Variants in PRKCB observed in about 807,000 individuals in gnomAD.
The protein encoded by PRKCB is protein kinase C beta.
A neutral mutation model predicts 81.5 loss-of-function variants in PRKCB; 13 were observed. That is an observed-to-expected ratio of 0.16 (90% CI 0.10 to 0.25). The LOEUF (loss-of-function observed/expected upper bound fraction) is 0.25, where lower values mean the gene tolerates loss of function less well. Among genes scored for constraint, PRKCB ranks in the 10% least tolerant of loss-of-function variants. The pLI is 1.00. For missense variants in PRKCB, 509 were observed against 875.7 expected (o/e 0.58, Z 5.29); for synonymous variants, 335 against 321.4 (o/e 1.04, Z -0.45).
chr16:24,062,664 G>A (rs1042786914), intron 5 of PRKCB, among the ~76,000 whole-genome samples: 1 of 152,102 alleles, frequency 6.6e-6, no homozygotes, highest in Non-Finnish European at 1.5e-5. Context: ...TCCACTGGGG[G>A]TGAGTTCACC....
chr16:24,129,089 CTGCCATAATAAACA>C (rs1966849268), intron 9 of PRKCB, among the ~76,000 whole-genome samples: 1 of 152,180 alleles, frequency 6.6e-6, no homozygotes, highest in South Asian at 2.1e-4. Context: ...CCCTAATGTG[CTGCCATAATAAACA>C]TGCATTAAAT....
At chr16:24,073,196 C>T (rs9935942) in intron 5 of PRKCB, among the ~76,000 whole-genome samples, 3,048 of 152,238 alleles carry the variant, frequency 0.02, 75 homozygotes, top group African/African-American at 0.056. Context: ...ATGGATAAAC[C>T]GCTTGCTAAA....
rs1183703241 is a variant in PRKCB, at chr16:24,220,200, G to A, written c.*5384G>A. 1.3e-6 allele frequency: 2 copies of A among 1,483,338 alleles called. No homozygotes were observed. The highest frequency in any genetic ancestry group is 1.8e-6 in the Non-Finnish European group (2 of 1,086,192). The allele number at this position is 1,483,338 out of a possible 1,614,324, so 91.9% of individuals were successfully genotyped here. A position where few individuals can be genotyped will look rare whatever the true frequency, so the allele number is the denominator to read the frequency against. On this transcript the variant is annotated 3_prime_UTR_variant, in exon 17 of 17. Transcript: ENST00000643927. ...ATTCTAGTCTTCCAGGATTCACGGTGCACATGCTGGCATTCAACATGTGGA... is the reference window on the plus strand; with the variant it reads ...ATTCTAGTCTTCCAGGATTCACGGTACACATGCTGGCATTCAACATGTGGA...
At chr16:23,868,983 G>A (rs1220429178) in intron 2 of PRKCB, 6 of 372,254 alleles carry the variant, frequency 1.6e-5, no homozygotes, top group East Asian at 1.7e-4. Flanking sequence ...CACAGATGCC[G>A]AAATAGAAGT....
intron 16 of PRKCB, among the ~76,000 whole-genome samples, chr16:24,197,555 C>T (rs889835066): frequency 6.6e-6 from 1 of 152,178 alleles, no homozygotes; most frequent in African/African-American, 2.4e-5. Flanking sequence ...ACTGAAGGAT[C>T]TTTGGCTTTT....
chr16:24,116,007 A>T (rs1596555198), intron 8 of PRKCB, among the ~76,000 whole-genome samples: 1 of 150,922 alleles, frequency 6.6e-6, no homozygotes, highest in South Asian at 2.1e-4. Flanking sequence ...TACAGGCGTG[A>T]TATCCCAAGG....
At chr16:23,863,298 T>A (rs1162134978) in intron 2 of PRKCB, among the ~76,000 whole-genome samples, 1 of 148,136 alleles carries the variant, frequency 6.8e-6, no homozygotes, top group Non-Finnish European at 1.5e-5. Context: ...ATATTTTACC[T>A]AGGGTGGACG....
chr16:24,141,958 C>T (rs563262982), intron 9 of PRKCB, among the ~76,000 whole-genome samples: 2 of 152,348 alleles, frequency 1.3e-5, no homozygotes, highest in Admixed American at 6.5e-5. Flanking sequence ...TACACACCCA[C>T]AGGAGTTAGA....
intron 3 of PRKCB, among the ~76,000 whole-genome samples, chr16:24,013,170 C>G (rs773695051): frequency 1.3e-5 from 2 of 152,178 alleles, no homozygotes; most frequent in Non-Finnish European, 2.9e-5. Context: ...CCTGACCAGG[C>G]CCATTTCCAA....
intron 2 of PRKCB, among the ~76,000 whole-genome samples, chr16:23,900,426 A>G (rs921627238): frequency 2.0e-5 from 3 of 152,182 alleles, no homozygotes; most frequent in Admixed American, 6.5e-5. Flanking sequence ...GTTTTTGAAT[A>G]TACAATGCAA....
At chr16:23,981,137 A>G (rs1410750114) in intron 2 of PRKCB, among the ~76,000 whole-genome samples, 1 of 152,172 alleles carries the variant, frequency 6.6e-6, no homozygotes, top group Non-Finnish European at 1.5e-5. Flanking sequence ...AACATTCTGA[A>G]CAGCAGGTCT....
chr16:24,190,332 G>A lies in PRKCB; in HGVS notation c.1723-758G>A, dbSNP rs564719557. ...AAATGCAAATGGTATCTGAATGAAT[G>A]TAGCCTTTGCTTTTGTCAAACTCCA... is the stretch of plus-strand genomic sequence containing the variant. On this transcript the variant is annotated intron_variant, in intron 15 of 16. Transcript: ENST00000643927. Among the ~76,000 whole-genome samples the A allele has an allele frequency of 1.5e-4, 23 of 152,304 alleles. 1 individual carries two copies. Among genetic ancestry groups the A allele is most frequent in the Non-Finnish European group, 3.1e-4 (21 of 68,018 alleles).
intron 2 of PRKCB, among the ~76,000 whole-genome samples, chr16:23,941,585 A>G (rs765174393): frequency 6.6e-6 from 1 of 152,242 alleles, no homozygotes; most frequent in Non-Finnish European, 1.5e-5. Flanking sequence ...CATTCTAGAA[A>G]TACATTATGA....
At chr16:24,132,837 G>A (rs1363783388) in intron 9 of PRKCB, among the ~76,000 whole-genome samples, 5 of 150,170 alleles carry the variant, frequency 3.3e-5, no homozygotes, top group Non-Finnish European at 7.4e-5. Context: ...CTGGAGGGCA[G>A]TGGTGCAATC....
chr16:23,842,109 T>C (rs1567286476), intron 2 of PRKCB, among the ~76,000 whole-genome samples: 1 of 152,238 alleles, frequency 6.6e-6, no homozygotes, highest in South Asian at 2.1e-4. Flanking sequence ...GAAGTGACTT[T>C]GGTAGAAATA....
intron 2 of PRKCB, among the ~76,000 whole-genome samples, chr16:23,956,302 T>A (rs1368444068): frequency 6.6e-6 from 1 of 152,078 alleles, no homozygotes; most frequent in African/African-American, 2.4e-5. Context: ...AATATTTTTT[T>A]TTTGTAGAGA....
At chr16:24,066,058 A>G (rs1191812880) in intron 5 of PRKCB, among the ~76,000 whole-genome samples, 1 of 146,354 alleles carries the variant, frequency 6.8e-6, no homozygotes, top group Admixed American at 6.8e-5. Context: ...ATTTTCAGCA[A>G]TGTGACTGTG....
rs151036025 is a variant in PRKCB, at chr16:24,167,423, G to A, written c.1240-4847G>A. 3.8e-4 allele frequency among the ~76,000 whole-genome samples: 58 copies of A among 152,240 alleles called. No homozygotes were observed. The East Asian group carries it at 0.011, about 28-fold the overall frequency. ...AAAAATACAAAAATTAGCCAAGTGTGGTTGTGTGAACCTGTAGTCCCAGCT... is the reference window on the plus strand; with the variant it reads ...AAAAATACAAAAATTAGCCAAGTGTAGTTGTGTGAACCTGTAGTCCCAGCT... On this transcript the variant is annotated intron_variant, in intron 10 of 16. Transcript: ENST00000643927.
In PRKCB at chr16:24,219,698, ACACACC is replaced by A. The variant is rs1452081803; in HGVS notation, c.*4883_*4888del. The A allele has an allele frequency of 7.8e-7, 1 of 1,281,768 alleles. No individual in the cohort carries two copies. Among genetic ancestry groups the A allele is most frequent in the Non-Finnish European group, 9.9e-7 (1 of 1,008,300 alleles). The allele number at this position is 1,281,768 out of a possible 1,614,324, so 79.4% of individuals were successfully genotyped here. ...CACACACACACACACACACACACACACACACCACTTTATGGCAATTCTTAACTGACA... is the reference window on the plus strand; with the variant it reads ...CACACACACACACACACACACACACAACTTTATGGCAATTCTTAACTGACA... On this transcript the variant is annotated 3_prime_UTR_variant, in exon 17 of 17. Transcript: ENST00000643927.
Sources: allele counts gnomAD v4.1 joint callset (sites outside exome capture counted in the v4.1 genomes callset), GRCh38; gene constraint gnomAD v4.1.1; transcripts MANE v1.5; gene names NCBI Gene and HGNC (gene_info 2026-07-23, HGNC 2026-07-21).